The following CDKL3 variants were observed in gnomAD, a reference collection of about 807,000 sequenced individuals.
CDKL3 encodes the protein cyclin-dependent kinase-like 3.
A neutral mutation model predicts 69.3 loss-of-function variants in CDKL3; 65 were observed. The observed-to-expected ratio is 0.94, with a 90% CI of 0.77 to 1.15. CDKL3 has a LOEUF of 1.15. CDKL3 is among the 50% of genes most tolerant of loss of function. The pLI, the probability that CDKL3 is intolerant of heterozygous loss-of-function variation, is 0.00. For missense variants in CDKL3, 652 were observed against 689.2 expected, an observed-to-expected ratio of 0.95 and a Z score of 0.61; for synonymous variants, 202 against 221.6, an observed-to-expected ratio of 0.91 and a Z score of 0.79.
downstream of CDKL3, among the ~76,000 whole-genome samples, chr5:134,283,448 T>G (rs948670321): frequency 6.6e-6 from 1 of 152,156 alleles, no homozygotes; most frequent in Non-Finnish European, 1.5e-5. Context: ...CTTACGTGGA[T>G]GGCAGCATGC....
At chr5:134,304,367 TATC>T (rs746158549) in intron 11 of CDKL3, 35 bp downstream of exon 11, 45 of 1,455,592 alleles carry the variant, frequency 3.1e-5, no homozygotes, top group Non-Finnish European at 3.9e-5. Flanking sequence ...TTATAAATGA[TATC>T]ATCATAATTG....
rs1019674338 is a variant in CDKL3 at position 134,342,336 on chromosome 5, C to T, written c.539+7913G>A. ...TATGGAAGCCGGGTGCGGTGGCTCACGCCTGTAATCCCAGCACTTTGGGAG... is the reference window on the plus strand; with the variant it reads ...TATGGAAGCCGGGTGCGGTGGCTCATGCCTGTAATCCCAGCACTTTGGGAG... On this transcript the variant is annotated intron_variant, in intron 4 of 12. Coordinates refer to ENST00000265334, the MANE Select transcript of CDKL3 (RefSeq NM_001113575.2). 2.6e-5 allele frequency among the ~76,000 whole-genome samples: 4 copies of T among 151,876 alleles called. No individual in the cohort carries two copies. In the East Asian group the frequency reaches 7.7e-4, roughly 29 times the overall value.
Position 134,319,481 on chromosome 5 carries a change from G to A in CDKL3, c.669C>T (p.His223=). The change falls in exon 6 of 13, where the codon CAC becomes CAT. Residue 223 remains histidine (H), a synonymous_variant. Transcript: ENST00000265334. The part of the protein sequence containing the change: ...IVLKVGNLSP[H]LQNIFSKSPI... ...GGCTCTTGGAAAAGATATTCTGCAA[G>A]TGAGGTGACAAATTGCCTGAAAAGA... 1 of 1,529,532 alleles carries A rather than the reference G, an allele frequency of 6.5e-7. No individual in the cohort carries two copies. Among genetic ancestry groups the A allele is most frequent in the Non-Finnish European group, 8.8e-7 (1 of 1,140,830 alleles). The allele number at this position is 1,529,532 out of a possible 1,614,324, so 94.7% of individuals were successfully genotyped here.
downstream of CDKL3, among the ~76,000 whole-genome samples, chr5:134,295,116 G>A (rs143944341): frequency 9.8e-3 from 1,453 of 147,556 alleles, 11 homozygotes; most frequent in Middle Eastern, 0.025. Context: ...CTGGGTTCAA[G>A]CAATTATCCT....
intron 3 of CDKL3, among the ~76,000 whole-genome samples, chr5:134,350,822 GAAAAAAAAGA>G (rs1271110299): frequency 3.5e-5 from 2 of 56,486 alleles, no homozygotes; most frequent in Middle Eastern, 0.011. Flanking sequence ...TCTAAAAAAA[GAAAAAAAAGA>G]AAAAAAAAAA....
chr5:134,370,736 G>A (rs1482490580), upstream of CDKL3, among the ~76,000 whole-genome samples: 4 of 152,230 alleles, frequency 2.6e-5, no homozygotes, highest in Admixed American at 2.0e-4. Flanking sequence ...CATTTCAGGA[G>A]ATTGTTGTGT....
In CDKL3 at chr5:134,308,543, T is replaced by C. The variant is rs748146935; in HGVS notation, c.1035+31A>G. ...TTAGAGTCTAACTATAATATAATTA[T>C]ACTGGCTGAAACAAAAACCAAAGTT... is the stretch of plus-strand genomic sequence containing the variant. On this transcript the variant is annotated intron_variant, in intron 8 of 12. Coordinates refer to ENST00000265334, the MANE Select transcript of CDKL3 (RefSeq NM_001113575.2). 96 of 1,559,278 alleles carry C rather than the reference T, an allele frequency of 6.2e-5. 1 individual carries two copies. The highest frequency in any genetic ancestry group is 1.7e-4 in the Middle Eastern group (1 of 5,784).
In CDKL3 at chr5:134,311,512, A is replaced by G. The variant is rs556105202; in HGVS notation, c.881+780T>C. On this transcript the variant is annotated intron_variant, in intron 7 of 12. Transcript: ENST00000265334. ...CAAAGCGAGACTTCATCTCAAAAAAAAAAAGACAACAAGCACTGCAACAGA... is the reference window on the plus strand; with the variant it reads ...CAAAGCGAGACTTCATCTCAAAAAAGAAAAGACAACAAGCACTGCAACAGA... Among the ~76,000 whole-genome samples, 236 of 152,278 alleles carry G rather than the reference A, an allele frequency of 1.5e-3. 1 individual carries two copies. The South Asian group carries it at 0.025, about 16-fold the overall frequency.
At chr5:134,345,211 G>A (rs1450479891) in intron 4 of CDKL3, among the ~76,000 whole-genome samples, 1 of 152,112 alleles carries the variant, frequency 6.6e-6, no homozygotes, top group African/African-American at 2.4e-5. Context: ...ACTGGTGATG[G>A]TAGTACATAT....
At chr5:134,289,263 C>T (rs571335354) in intron 8 of CDKL3, among the ~76,000 whole-genome samples, 7 of 151,226 alleles carry the variant, frequency 4.6e-5, no homozygotes, top group African/African-American at 7.3e-5. Flanking sequence ...ATCACATTTT[C>T]TGTTTGAAGA....
rs374329903 is a variant in CDKL3 at position 134,316,105 on chromosome 5, AC to A, written c.792+3252del. Among the ~76,000 whole-genome samples the A allele has an allele frequency of 3.3e-3, 500 of 152,094 alleles. 2 individuals are homozygous for A. The highest frequency in any genetic ancestry group is 0.011 in the African/African-American group (473 of 41,476). On this transcript the variant is annotated intron_variant, in intron 6 of 12. Coordinates refer to ENST00000265334, the MANE Select transcript of CDKL3 (RefSeq NM_001113575.2). ...TAGCAGGGGACTATAGGCGCATGCC[AC>A]TGTGCCTGGCTAGTTTTTTGTTTTT...
downstream of CDKL3, among the ~76,000 whole-genome samples, chr5:134,285,174 G>A (rs1764808388): frequency 6.6e-6 from 1 of 152,164 alleles, no homozygotes; most frequent in South Asian, 2.1e-4. Context: ...GGAGGACAGT[G>A]GCCCTCTTCT....
intron 8 of CDKL3, among the ~76,000 whole-genome samples, chr5:134,286,848 T>C (rs546696008): frequency 1.3e-5 from 2 of 152,272 alleles, no homozygotes; most frequent in East Asian, 1.9e-4. Context: ...AAGATGAGAT[T>C]TGTGTGGGGA....
At chr5:134,320,766 C>T (rs573302688) in intron 5 of CDKL3, among the ~76,000 whole-genome samples, 50 of 150,654 alleles carry the variant, frequency 3.3e-4, no homozygotes, top group African/African-American at 1.2e-3. Flanking sequence ...CCCAGCTACT[C>T]GGGAGGCTGA....
At chr5:134,332,535 G>A (rs183215298) in intron 4 of CDKL3, among the ~76,000 whole-genome samples, 18 of 152,164 alleles carry the variant, frequency 1.2e-4, no homozygotes, top group East Asian at 9.7e-4. Flanking sequence ...TCCCAGCACC[G>A]TTTATTAAAT....
In CDKL3 at chr5:134,367,092, C is replaced by G. The variant is rs112865470; in HGVS notation, c.-137G>C. 5.1e-6 allele frequency: 5 copies of G among 986,430 alleles called. No homozygotes were observed. The African/African-American group carries it at 5.2e-5, about 10-fold the overall frequency. The allele number at this position is 986,430 out of a possible 1,614,324, so 61.1% of individuals were successfully genotyped here. A position where few individuals can be genotyped will look rare whatever the true frequency, so the allele number is the denominator to read the frequency against. The stretch of plus-strand genomic sequence containing the variant: ...GTAGTTCCAGTGGAGCCACCGAACA[C>G]TGATACTACTTTGTTGCTCAGCCCC... On this transcript the variant is annotated 5_prime_UTR_variant, in exon 1 of 13. Transcript: ENST00000265334.
At chr5:134,362,757 C>T (rs1385504201) in intron 2 of CDKL3, among the ~76,000 whole-genome samples, 1 of 151,932 alleles carries the variant, frequency 6.6e-6, no homozygotes, top group African/African-American at 2.4e-5. Flanking sequence ...GGTGAAACCC[C>T]GTCTCTACTA....
intron 4 of CDKL3, among the ~76,000 whole-genome samples, chr5:134,344,285 CAG>C (rs1450659556): frequency 6.6e-6 from 1 of 152,040 alleles, no homozygotes; most frequent in Non-Finnish European, 1.5e-5. Context: ...ACAAAAGAAA[CAG>C]ATAAATTGGA....
rs1429919863 is a variant in CDKL3 at position 134,347,177 on chromosome 5, A to C, written c.539+3072T>G. Among the ~76,000 whole-genome samples, 6 of 151,252 alleles carry C rather than the reference A, an allele frequency of 4.0e-5. No individual in the cohort carries two copies. In the Admixed American group the frequency reaches 4.0e-4, roughly 10 times the overall value. ...TTTGTAACTTTTCTGTAAATCTAAA[A>C]TTATCCCAAAATAAAGTTTACTTTA... On this transcript the variant is annotated intron_variant, in intron 4 of 12. Transcript: ENST00000265334.
Sources: allele counts gnomAD v4.1 joint callset (sites outside exome capture counted in the v4.1 genomes callset), GRCh38; gene constraint gnomAD v4.1.1; transcripts MANE v1.5; gene names NCBI Gene and HGNC (gene_info 2026-07-23, HGNC 2026-07-21).